APMAP: variants seen among roughly 807,000 people sequenced by gnomAD.
The protein encoded by APMAP is adipocyte plasma membrane associated protein, also known as adipocyte plasma membrane-associated protein.
Under a neutral mutation model 43.6 loss-of-function variants are expected in APMAP, and 33 were observed. The ratio of observed to expected loss-of-function variants is 0.76; its 90% CI spans 0.57 to 1.01. The LOEUF is 1.01. APMAP is among the 50% of genes least tolerant of loss of function. The pLI is 0.00. For missense variants in APMAP, 498 were observed against 540.7 expected (o/e 0.92, Z 0.78); for synonymous variants, 224 against 216.7 (o/e 1.03, Z -0.30).
Position 24,964,028 on chromosome 20 carries a change from G to A in APMAP, c.1042-6C>T, listed in dbSNP as rs113742785. On this transcript the variant is annotated splice_polypyrimidine_tract_variant and splice_region_variant and intron_variant, in intron 8 of 8. Coordinates refer to ENST00000217456, the MANE Select transcript of APMAP (RefSeq NM_020531.3). ...ACCGTCTCTTGACTAAAGAGCTAGA[G>A]GGAAGCACAGTGCAGGGAAAGTTCA... The A allele has an allele frequency of 1.1e-3, 1,733 of 1,614,044 alleles. 22 individuals carry two copies. The African/African-American group carries it at 0.021, about 20-fold the overall frequency.
Position 24,986,779 on chromosome 20 carries a change from A to G in APMAP, c.96-2760T>C, listed in dbSNP as rs528698929. Among the ~76,000 whole-genome samples, 357 of 152,284 alleles carry G rather than the reference A, an allele frequency of 2.3e-3. 1 individual carries two copies. Among genetic ancestry groups the G allele is most frequent in the African/African-American group, 8.4e-3 (349 of 41,568 alleles). On this transcript the variant is annotated intron_variant, in intron 1 of 8. Coordinates refer to ENST00000217456, the MANE Select transcript of APMAP (RefSeq NM_020531.3). ...GGCTCAAGTGGCTTTCCCACAGCCA[A>G]TGCAAGAGCTGGAAAAGCGCAACTG...
chr20:24,963,763 T>C lies in APMAP; in HGVS notation c.*50A>G, dbSNP rs1457886233. 4.5e-6 allele frequency: 7 copies of C among 1,572,836 alleles called. No homozygotes were observed. In the Admixed American group the frequency reaches 1.2e-4, roughly 27 times the overall value. On this transcript the variant is annotated 3_prime_UTR_variant, in exon 9 of 9. Transcript: ENST00000217456. Reference sequence around the variant, plus strand: ...CTCCTCCTGGACCAGGCCTGGTGCCTGAGTGTGAAGACTCCTGGCCTGCGT... The same window carrying C: ...CTCCTCCTGGACCAGGCCTGGTGCCCGAGTGTGAAGACTCCTGGCCTGCGT...
Position 24,971,370 on chromosome 20 carries a change from T to C in APMAP, c.538+90A>G, listed in dbSNP as rs1408937080. 5 of 1,154,954 alleles carry C rather than the reference T, an allele frequency of 4.3e-6. No individual in the cohort carries two copies. In the Admixed American group the frequency reaches 1.1e-4, roughly 25 times the overall value. 71.5% of individuals were successfully genotyped at this position (1,154,954 alleles called of 1,614,324 possible). ...AAATATCAGAGTCTTTAGTAGACTG[T>C]TGCTAACAAATCCTATTAAGTCTAC... On this transcript the variant is annotated intron_variant, in intron 5 of 8. Coordinates refer to ENST00000217456, the MANE Select transcript of APMAP (RefSeq NM_020531.3).
intron 1 of APMAP, among the ~76,000 whole-genome samples, chr20:24,987,478 C>T (rs1026865289): frequency 5.3e-5 from 8 of 152,170 alleles, no homozygotes; most frequent in Non-Finnish European, 4.4e-5. Context: ...GGAGTGATTA[C>T]TTAATCAGTA....
Position 24,978,738 on chromosome 20 carries a change from GCTC to G in APMAP, c.328+26_328+28del, listed in dbSNP as rs1237742301. 3 of 1,309,734 alleles carry G rather than the reference GCTC, an allele frequency of 2.3e-6. No individual in the cohort carries two copies. The African/African-American group carries it at 4.9e-5, about 21-fold the overall frequency. 81.1% of individuals were successfully genotyped at this position (1,309,734 alleles called of 1,614,324 possible). On this transcript the variant is annotated intron_variant, in intron 3 of 8. Transcript: ENST00000217456. ...CCTCAGACAACAGACAGCCTGGAAG[GCTC>G]CCCCCCCACCCAAGCTTAGACTTAC...
intron 7 of APMAP, 50 bp downstream of exon 7, chr20:24,969,476 C>T: frequency 6.4e-7 from 1 of 1,556,822 alleles, no homozygotes. Context: ...CCACCCCGGC[C>T]ATGATGCGCT....
At chr20:24,978,319 T>C (rs1471520170) in intron 3 of APMAP, among the ~76,000 whole-genome samples, 3 of 152,172 alleles carry the variant, frequency 2.0e-5, no homozygotes, top group Non-Finnish European at 2.9e-5. Flanking sequence ...CCCATCAAGG[T>C]GAGATTTCAA....
Position 24,978,750 on chromosome 20 carries a change from C to CCA in APMAP, c.328+16_328+17insTG. 6 of 1,408,776 alleles carry CCA rather than the reference C, an allele frequency of 4.3e-6. No individual in the cohort carries two copies. The highest frequency in any genetic ancestry group is 1.2e-5 in the South Asian group (1 of 85,676). The allele number at this position is 1,408,776 out of a possible 1,614,324, so 87.3% of individuals were successfully genotyped here. On this transcript the variant is annotated intron_variant, in intron 3 of 8. Coordinates refer to ENST00000217456, the MANE Select transcript of APMAP (RefSeq NM_020531.3). ...GACAGCCTGGAAGGCTCCCCCCCCACCCAAGCTTAGACTTACCCCCAATAT... is the reference window on the plus strand; with the variant it reads ...GACAGCCTGGAAGGCTCCCCCCCCACCACCAAGCTTAGACTTACCCCCAATAT...
Position 24,978,867 on chromosome 20 carries a change from C to T in APMAP, c.228G>A (p.Pro76=), listed in dbSNP as rs527748001. Residue 76 remains proline, a synonymous_variant, in exon 3 of 9, where the codon CCG becomes CCA. Transcript: ENST00000217456. ...DPQPLSFKEP[P]LLLGVLHPNT... ...TTGGATGCAGAACACCAAGCAAGAG[C>T]GGGGGTTCTTTGAAGCTGCAAAATA... is the stretch of plus-strand genomic sequence containing the variant. 1.2e-5 allele frequency: 19 copies of T among 1,613,598 alleles called. No homozygotes were observed. Among genetic ancestry groups the T allele is most frequent in the Middle Eastern group, 1.7e-4 (1 of 6,058 alleles).
intron 4 of APMAP, among the ~76,000 whole-genome samples, chr20:24,972,890 G>C (rs551333142): frequency 6.6e-6 from 1 of 152,276 alleles, no homozygotes; most frequent in East Asian, 1.9e-4. Context: ...TCACTGCAGG[G>C]TGCTTACTGC....
At chr20:24,982,463 A>G (rs1031614009) in intron 2 of APMAP, among the ~76,000 whole-genome samples, 14 of 152,342 alleles carry the variant, frequency 9.2e-5, no homozygotes, top group Admixed American at 9.1e-4. Context: ...TTGTACAAAC[A>G]ACTTCCAATC....
At chr20:24,981,697 T>C (rs1403956181) in intron 2 of APMAP, among the ~76,000 whole-genome samples, 3 of 152,238 alleles carry the variant, frequency 2.0e-5, no homozygotes, top group Non-Finnish European at 2.9e-5. Flanking sequence ...CAACTCCCAG[T>C]AGAATTACTC....
At chr20:24,971,371 T>C in intron 5 of APMAP, 89 bp downstream of exon 5, 1 of 1,158,652 alleles carries the variant, frequency 8.6e-7, no homozygotes, top group Non-Finnish European at 1.2e-6. Flanking sequence ...AGTAGACTGT[T>C]GCTAACAAAT....
At chr20:24,964,489 A>G in intron 8 of APMAP, 1 of 469,836 alleles carries the variant, frequency 2.1e-6, no homozygotes, top group Non-Finnish European at 4.4e-6. Context: ...CACATTCAAA[A>G]AAAGCAAGCA....
intron 4 of APMAP, among the ~76,000 whole-genome samples, chr20:24,972,787 C>G (rs559419311): frequency 6.6e-6 from 1 of 151,192 alleles, no homozygotes; most frequent in East Asian, 1.9e-4. Flanking sequence ...CTGTAGGGTG[C>G]TCACCATGGG....
intron 2 of APMAP, among the ~76,000 whole-genome samples, chr20:24,979,463 A>G (rs1355622401): frequency 6.6e-6 from 1 of 152,062 alleles, no homozygotes; most frequent in African/African-American, 2.4e-5. Context: ...CCTTCTACTC[A>G]CAGACACGGC....
chr20:24,975,485 T>C (rs1055749119), intron 3 of APMAP, among the ~76,000 whole-genome samples: 3 of 152,176 alleles, frequency 2.0e-5, no homozygotes, highest in African/African-American at 7.2e-5. Context: ...ACGAGGTCTA[T>C]ATGAGGAAAA....
intron 1 of APMAP, among the ~76,000 whole-genome samples, chr20:24,987,433 T>C (rs1230235900): frequency 2.0e-5 from 3 of 152,180 alleles, no homozygotes; most frequent in Middle Eastern, 3.2e-3. Context: ...CTAGCCCCAC[T>C]CATCTGCTGA....
rs1017608372 is a variant in APMAP at position 24,992,720 on chromosome 20, A to C, written c.-32T>G. ...GGCGCCAGCCTCACCCGCAGAAACCACCTCACACTGAGCGGCGCCGGCTCA... is the reference window on the plus strand; with the variant it reads ...GGCGCCAGCCTCACCCGCAGAAACCCCCTCACACTGAGCGGCGCCGGCTCA... On this transcript the variant is annotated 5_prime_UTR_variant, in exon 1 of 9. Coordinates refer to ENST00000217456, the MANE Select transcript of APMAP (RefSeq NM_020531.3). The C allele has an allele frequency of 1.4e-6, 2 of 1,450,970 alleles. No homozygotes were observed. The highest frequency in any genetic ancestry group is 2.9e-5 in the African/African-American group (2 of 69,260). 89.9% of individuals were successfully genotyped at this position (1,450,970 alleles called of 1,614,324 possible). A position where few individuals can be genotyped will look rare whatever the true frequency, so the allele number is the denominator to read the frequency against.
Sources: gnomAD v4.1 joint callset for allele counts (sites outside exome capture counted in the v4.1 genomes callset) on GRCh38, gnomAD v4.1.1 for gene constraint, MANE v1.5 for transcripts, NCBI Gene and HGNC (gene_info 2026-07-23, HGNC 2026-07-21) for gene names.